SSU72L2: variants seen among roughly 807,000 people sequenced by gnomAD.
SSU72L2 encodes SSU72 like 2.
chr11:4,242,646 C>A, the SSU72L2 span: 1 of 492,634 alleles, frequency 2.0e-6, no homozygotes, highest in Admixed American at 3.6e-5. Context: ...AGCATGATGG[C>A]GGCCACTGGG....
the SSU72L2 span, among the ~76,000 whole-genome samples, chr11:4,241,893 T>A: frequency 1.3e-5 from 2 of 149,298 alleles, no homozygotes; most frequent in African/African-American, 5.0e-5. Flanking sequence ...TCATTTCCCA[T>A]AAAATATTTT....
the SSU72L2 span, chr11:4,241,935 A>G: frequency 1.8e-6 from 1 of 565,550 alleles, no homozygotes; most frequent in Admixed American, 3.2e-5. Context: ...GGTGATGTGT[A>G]CAAAAGTAAC....
the SSU72L2 span, chr11:4,242,489 C>A: frequency 1.3e-6 from 1 of 772,040 alleles, no homozygotes; most frequent in Non-Finnish European, 2.4e-6. Context: ...AACTACAGGA[C>A]GATTGGGTCT....
the SSU72L2 span, among the ~76,000 whole-genome samples, chr11:4,241,763 T>G: frequency 6.7e-6 from 1 of 149,252 alleles, no homozygotes; most frequent in South Asian, 2.2e-4. Context: ...ATCTGGAAAA[T>G]GGCGTCATGG....
the SSU72L2 span, chr11:4,242,271 A>G: frequency 1.5e-6 from 1 of 668,814 alleles, no homozygotes; most frequent in South Asian, 1.8e-5. Context: ...TCTCTGGAAC[A>G]CAGATCTTCC....
the SSU72L2 span, chr11:4,242,638 C>T: frequency 1.6e-6 from 1 of 612,046 alleles, no homozygotes; most frequent in Admixed American, 2.8e-5. Context: ...TGGAGGAGAG[C>T]ATGATGGCGG....
At chr11:4,242,701 C>G in the SSU72L2 span, 1 of 570,030 alleles carries the variant, frequency 1.8e-6, no homozygotes, top group Non-Finnish European at 3.1e-6. Context: ...GGTCTCGGAG[C>G]CGAGGAGACG....
chr11:4,241,720 T>G, the SSU72L2 span, among the ~76,000 whole-genome samples: 1 of 147,248 alleles, frequency 6.8e-6, no homozygotes, highest in East Asian at 2.0e-4. Flanking sequence ...ACAAATCATT[T>G]TTCAAGCAGT....
the SSU72L2 span, among the ~76,000 whole-genome samples, chr11:4,241,746 T>G: frequency 6.7e-6 from 1 of 149,060 alleles, no homozygotes; most frequent in Non-Finnish European, 1.5e-5. Flanking sequence ...ATCAGCTCGG[T>G]TTGCTCATCT....
At chr11:4,242,005 G>A in the SSU72L2 span, 4 of 612,062 alleles carry the variant, frequency 6.5e-6, no homozygotes, top group Middle Eastern at 4.3e-4. Context: ...CCGGACTAAA[G>A]TCCCATGTCT....
the SSU72L2 span, chr11:4,242,604 C>G: frequency 2.9e-6 from 2 of 696,634 alleles, no homozygotes; most frequent in East Asian, 2.5e-5. Context: ...ACATTGCTCA[C>G]GCACACCACA....
chr11:4,242,703 G>C, the SSU72L2 span: 1 of 548,940 alleles, frequency 1.8e-6, no homozygotes, highest in African/African-American at 2.0e-5. Context: ...TCTCGGAGCC[G>C]AGGAGACGAC....
At chr11:4,241,811 T>C in the SSU72L2 span, among the ~76,000 whole-genome samples, 2 of 148,732 alleles carry the variant, frequency 1.3e-5, no homozygotes, top group Admixed American at 6.7e-5. Flanking sequence ...AAGCATGAAA[T>C]TAGTTATCCC....
the SSU72L2 span, chr11:4,242,016 A>G: frequency 1.6e-6 from 1 of 614,164 alleles, no homozygotes; most frequent in Non-Finnish European, 2.9e-6. Flanking sequence ...TCCCATGTCT[A>G]AGTTCTTACT....
the SSU72L2 span, chr11:4,242,702 C>G: frequency 3.6e-6 from 2 of 561,288 alleles, no homozygotes; most frequent in South Asian, 2.5e-5. Context: ...GTCTCGGAGC[C>G]GAGGAGACGA....
the SSU72L2 span, chr11:4,241,977 A>T: frequency 1.7e-6 from 1 of 600,890 alleles, no homozygotes; most frequent in Non-Finnish European, 2.9e-6. Flanking sequence ...GTCTTTGTAG[A>T]TGCTTCTCAC....
chr11:4,241,668 T>C, the SSU72L2 span, among the ~76,000 whole-genome samples: 1 of 145,546 alleles, frequency 6.9e-6, no homozygotes, highest in Non-Finnish European at 1.5e-5. Context: ...ATTTAAAAGG[T>C]GCTTATCTAT....
chr11:4,241,727 C>A, the SSU72L2 span, among the ~76,000 whole-genome samples: 1 of 148,272 alleles, frequency 6.7e-6, no homozygotes, highest in Non-Finnish European at 1.5e-5. Context: ...ATTTTTCAAG[C>A]AGTCCATTAT....
At chr11:4,241,749 G>A in the SSU72L2 span, among the ~76,000 whole-genome samples, 1 of 148,920 alleles carries the variant, frequency 6.7e-6, no homozygotes, top group Non-Finnish European at 1.5e-5. Context: ...AGCTCGGTTT[G>A]CTCATCTGGA....
Sources: gnomAD v4.1 joint callset for allele counts (sites outside exome capture counted in the v4.1 genomes callset) on GRCh38, gnomAD v4.1.1 for gene constraint, MANE v1.5 for transcripts, NCBI Gene and HGNC (gene_info 2026-07-23, HGNC 2026-07-21) for gene names.